KALRN: variants seen among roughly 807,000 people sequenced by gnomAD.
The protein encoded by KALRN is kalirin.
A neutral mutation model predicts 353.7 loss-of-function variants in KALRN; 70 were observed. The ratio of observed to expected loss-of-function variants is 0.20; its 90% CI spans 0.16 to 0.24. The LOEUF is 0.24. Ranked by LOEUF, KALRN falls within the 10% of genes least tolerant of loss-of-function variation. The pLI is 1.00. For missense variants in KALRN, 2,791 were observed against 3,756.7 expected (o/e 0.74, Z 6.72); for synonymous variants, 1,391 against 1,434.8 (o/e 0.97, Z 0.69).
chr3:124,353,106 G>A (rs1042982899), intron 10 of KALRN, among the ~76,000 whole-genome samples: 4 of 152,104 alleles, frequency 2.6e-5, no homozygotes, highest in African/African-American at 4.8e-5. Context: ...GATGACAAAT[G>A]TTCTGAACTC....
chr3:124,648,879 C>G (rs1477433629), intron 37 of KALRN, among the ~76,000 whole-genome samples: 1 of 152,216 alleles, frequency 6.6e-6, no homozygotes, highest in Non-Finnish European at 1.5e-5. Context: ...TCCTTAATAA[C>G]AGGTTACAGA....
At chr3:124,180,995 C>T (rs2073492314) in intron 1 of KALRN, among the ~76,000 whole-genome samples, 1 of 147,316 alleles carries the variant, frequency 6.8e-6, no homozygotes, top group African/African-American at 2.5e-5. Flanking sequence ...CTTCGGGAGG[C>T]TGAGGTGAGC....
intron 33 of KALRN, among the ~76,000 whole-genome samples, chr3:124,545,001 A>G (rs901179333): frequency 3.3e-5 from 5 of 152,212 alleles, no homozygotes; most frequent in African/African-American, 9.7e-5. Flanking sequence ...AAAGGCAGGT[A>G]CTAGAGGATG....
intron 57 of KALRN, among the ~76,000 whole-genome samples, chr3:124,705,452 G>T (rs2062557741): frequency 6.6e-6 from 1 of 152,134 alleles, no homozygotes; most frequent in South Asian, 2.1e-4. Flanking sequence ...AGACCTGAGT[G>T]AGTCAGTCAG....
intron 3 of KALRN, among the ~76,000 whole-genome samples, chr3:124,249,229 G>A (rs1453536491): frequency 6.6e-6 from 1 of 152,206 alleles, no homozygotes; most frequent in Non-Finnish European, 1.5e-5. Context: ...TGGGGAATGG[G>A]GGAGGGACCC....
At chr3:124,173,471 G>A (rs1449802284) in intron 1 of KALRN, among the ~76,000 whole-genome samples, 1 of 152,182 alleles carries the variant, frequency 6.6e-6, no homozygotes, top group East Asian at 1.9e-4. Flanking sequence ...TTACTTGGGA[G>A]ATAGAGGAGA....
chr3:124,474,868 A>G (rs1383289573), intron 26 of KALRN, 136 bp downstream of exon 26: 1 of 734,408 alleles, frequency 1.4e-6, no homozygotes, highest in Non-Finnish European at 2.4e-6. Context: ...TAGGTCTGAG[A>G]GAAGCCTTGG....
At chr3:124,142,712 T>A (rs2149800821) in intron 1 of KALRN, among the ~76,000 whole-genome samples, 1 of 152,028 alleles carries the variant, frequency 6.6e-6, no homozygotes, top group East Asian at 1.9e-4. Flanking sequence ...CCACTTTTCC[T>A]CCCACTCTGT....
chr3:124,655,774 T>C, intron 39 of KALRN, 107 bp downstream of exon 39: 1 of 741,654 alleles, frequency 1.3e-6, no homozygotes, highest in Non-Finnish European at 2.4e-6. Context: ...CTTTACTGTC[T>C]GAGCACTTGC....
intron 1 of KALRN, among the ~76,000 whole-genome samples, chr3:124,082,090 G>A (rs911833661): frequency 2.0e-5 from 3 of 152,228 alleles, no homozygotes; most frequent in African/African-American, 7.2e-5. Flanking sequence ...CTGGGTAGGT[G>A]GTGGAGCATG....
At chr3:124,463,854 A>G (rs553882704) in intron 25 of KALRN, among the ~76,000 whole-genome samples, 1 of 152,314 alleles carries the variant, frequency 6.6e-6, no homozygotes, top group East Asian at 1.9e-4. Context: ...AACATAATAT[A>G]TGTAGCTCCC....
intron 33 of KALRN, among the ~76,000 whole-genome samples, chr3:124,528,448 C>T (rs1265960414): frequency 6.6e-6 from 1 of 152,142 alleles, no homozygotes; most frequent in African/African-American, 2.4e-5. Flanking sequence ...TCCCTATGTC[C>T]TCTCCCCAAG....
At chr3:124,456,549 C>T in intron 22 of KALRN, 61 bp from the exon 23 acceptor site, 1 of 1,206,732 alleles carries the variant, frequency 8.3e-7, no homozygotes. Flanking sequence ...CCTCCCTCAA[C>T]TCCAGTGAGT....
intron 34 of KALRN, among the ~76,000 whole-genome samples, chr3:124,569,482 G>GT (rs2073274609): frequency 6.6e-6 from 1 of 152,164 alleles, no homozygotes; most frequent in South Asian, 2.1e-4. Context: ...CATGGGTCAG[G>GT]TTCTGGGTTG....
intron 13 of KALRN, among the ~76,000 whole-genome samples, chr3:124,402,853 G>C (rs1403940701): frequency 3.3e-5 from 5 of 152,170 alleles, no homozygotes; most frequent in Non-Finnish European, 7.3e-5. Context: ...TGAGAGATCA[G>C]ATTAGATTGT....
intron 33 of KALRN, among the ~76,000 whole-genome samples, chr3:124,545,109 C>T (rs2069484959): frequency 6.6e-6 from 1 of 152,220 alleles, no homozygotes; most frequent in Non-Finnish European, 1.5e-5. Flanking sequence ...GATCTTGCTG[C>T]ATTTAAGAAT....
intron 37 of KALRN, among the ~76,000 whole-genome samples, chr3:124,640,606 T>C (rs925609014): frequency 8.5e-5 from 13 of 152,140 alleles, no homozygotes; most frequent in African/African-American, 3.1e-4. Flanking sequence ...TATTCTATTC[T>C]AAATGCAACC....
chr3:124,350,484 C>G (rs1441616628), intron 10 of KALRN, among the ~76,000 whole-genome samples: 1 of 152,186 alleles, frequency 6.6e-6, no homozygotes, highest in Non-Finnish European at 1.5e-5. Context: ...TGCTGAGATT[C>G]AAACCCAGGT....
chr3:124,678,273 G>T lies in KALRN; in HGVS notation c.7277G>T (p.Arg2426Leu), dbSNP rs779935599. The T allele has an allele frequency of 3.7e-6, 6 of 1,613,996 alleles. No individual in the cohort carries two copies. Among genetic ancestry groups the T allele is most frequent in the African/African-American group, 1.3e-5 (1 of 75,034 alleles). ...NTGKNEATGP[R>L]KPKDILGNKV... is the part of the protein sequence containing the mutation. ...GGTAAAAATGAAGCCACAGGGCCTCGTAAACCCAAGGATATTCTGGGCAAC... is the reference window on the plus strand; with the variant it reads ...GGTAAAAATGAAGCCACAGGGCCTCTTAAACCCAAGGATATTCTGGGCAAC... Residue 2426 changes from arginine to leucine, a missense_variant, in exon 50 of 60, where the codon CGT (arginine) becomes CTT (leucine). By Grantham distance (102) the Arg-to-Leu change is moderately radical (BLOSUM62 -2). This residue lies in a region of KALRN where 1,065 missense variants were observed against 1,156.4 expected (regional missense o/e 0.92). Transcript: ENST00000682506.
Sources: gnomAD v4.1 joint callset for allele counts (sites outside exome capture counted in the v4.1 genomes callset) on GRCh38, gnomAD v4.1.1 for gene constraint, gnomAD v4.1.1 regional missense constraint, MANE v1.5 for transcripts, NCBI Gene and HGNC (gene_info 2026-07-23, HGNC 2026-07-21) for gene names.